MYOM1: variants seen among roughly 807,000 people sequenced by gnomAD.
MYOM1 encodes myomesin-1.
A neutral mutation model predicts 205.3 loss-of-function variants in MYOM1; 164 were observed. The ratio of observed to expected loss-of-function variants is 0.80; its 90% CI spans 0.70 to 0.91. MYOM1 has a LOEUF of 0.91. Ranked by LOEUF, MYOM1 falls within the 40% of genes least tolerant of loss-of-function variation. MYOM1 has a pLI of 0.00. For missense variants in MYOM1, 2,011 were observed against 2,127.3 expected (o/e 0.95, Z 1.08); for synonymous variants, 772 against 789.4 (o/e 0.98, Z 0.37).
At position 3,100,152 on chromosome 18, in the gene MYOM1, TACTTACTTGGGA is replaced by T. The variant is rs753077600; in HGVS notation, c.3722_3727+6del. On this transcript the variant is annotated splice_donor_variant and splice_donor_5th_base_variant and coding_sequence_variant and intron_variant, in exon 25 of 38. Transcript: ENST00000356443. LOFTEE classifies it high-confidence loss of function. ...TAAAAACCTGTGAATGTATTGTGGATACTTACTTGGGAACTTGTGTTCATGGCTGAGAGCAAG... is the reference window on the plus strand; with the variant it reads ...TAAAAACCTGTGAATGTATTGTGGATACTTGTGTTCATGGCTGAGAGCAAG... 4 of 1,613,792 alleles carry T rather than the reference TACTTACTTGGGA, an allele frequency of 2.5e-6. No individual in the cohort carries two copies. In the African/African-American group the frequency reaches 4.0e-5, roughly 16 times the overall value.
At chr18:3,213,797 T>C (rs1434948881) in intron 2 of MYOM1, among the ~76,000 whole-genome samples, 2 of 152,236 alleles carry the variant, frequency 1.3e-5, no homozygotes, top group Admixed American at 6.5e-5. Flanking sequence ...AGTTGCTTAA[T>C]TGAAGCAGAG....
chr18:3,105,562 A>G lies in MYOM1; in HGVS notation c.3419-2932T>C, dbSNP rs1598674878. 5.3e-5 allele frequency among the ~76,000 whole-genome samples: 8 copies of G among 152,272 alleles called. No homozygotes were observed. The South Asian group carries it at 1.7e-3, about 32-fold the overall frequency. On this transcript the variant is annotated intron_variant, in intron 22 of 37. Transcript: ENST00000356443. ...CCCAAACCCATGAAACTTGGAGAAT[A>G]AGAAAATCCTGGCCAGGCATGGTGG...
At chr18:3,236,182 AGGG>A in the MYOM1 span, among the ~76,000 whole-genome samples, 2 of 152,310 alleles carry the variant, frequency 1.3e-5, no homozygotes, top group East Asian at 3.9e-4. Flanking sequence ...TTCACCATGG[AGGG>A]TGTCAGGCAG....
intron 16 of MYOM1, among the ~76,000 whole-genome samples, chr18:3,133,651 G>A (rs1330953241): frequency 6.6e-6 from 1 of 151,958 alleles, no homozygotes; most frequent in Non-Finnish European, 1.5e-5. Flanking sequence ...TATATCCTCA[G>A]AATCTAATAT....
chr18:3,140,907 C>T (rs1275716279), intron 14 of MYOM1, among the ~76,000 whole-genome samples: 1 of 152,124 alleles, frequency 6.6e-6, no homozygotes, highest in Non-Finnish European at 1.5e-5. Flanking sequence ...AGTACAAACA[C>T]TTGTTTCATT....
At chr18:3,108,688 G>A (rs948938432) in intron 22 of MYOM1, among the ~76,000 whole-genome samples, 4 of 151,798 alleles carry the variant, frequency 2.6e-5, no homozygotes, top group African/African-American at 9.7e-5. Context: ...TTACAGGTGC[G>A]GACCACCACA....
At position 3,197,863 on chromosome 18, in the gene MYOM1, A is replaced by C. The variant is rs562230503; in HGVS notation, c.291-3905T>G. On this transcript the variant is annotated intron_variant, in intron 2 of 37. Coordinates refer to ENST00000356443, the MANE Select transcript of MYOM1 (RefSeq NM_003803.4). The stretch of plus-strand genomic sequence containing the variant: ...ACTCTGGCCTGGGTGACAGAGCGAG[A>C]CTCCATCTCAAAAAAGAAAAAGAAA... Among the ~76,000 whole-genome samples, 4 of 151,874 alleles carry C rather than the reference A, an allele frequency of 2.6e-5. No individual in the cohort carries two copies. The South Asian group carries it at 6.3e-4, about 24-fold the overall frequency.
chr18:3,096,665 C>T (rs1406155825), intron 25 of MYOM1, among the ~76,000 whole-genome samples: 1 of 152,086 alleles, frequency 6.6e-6, no homozygotes, highest in East Asian at 1.9e-4. Flanking sequence ...GACACACCAA[C>T]ATATCTGTAT....
At chr18:3,140,552 C>T (rs375262881) in intron 14 of MYOM1, among the ~76,000 whole-genome samples, 1 of 152,182 alleles carries the variant, frequency 6.6e-6, no homozygotes, top group African/African-American at 2.4e-5. Context: ...ATAAGGCATT[C>T]ATTGTTACTG....
intron 37 of MYOM1, 104 bp downstream of exon 37, chr18:3,071,730 G>C: frequency 9.2e-7 from 1 of 1,086,632 alleles, no homozygotes; most frequent in African/African-American, 1.6e-5. Flanking sequence ...GTACGATGAA[G>C]GTGGTGGGCT....
chr18:3,241,008 C>G, the MYOM1 span, among the ~76,000 whole-genome samples: 1 of 152,150 alleles, frequency 6.6e-6, no homozygotes, highest in African/African-American at 2.4e-5. Flanking sequence ...GAAGAAATTT[C>G]TAAGCAGCAA....
intron 37 of MYOM1, among the ~76,000 whole-genome samples, chr18:3,069,149 C>T (rs1389596138): frequency 1.3e-5 from 2 of 152,148 alleles, no homozygotes; most frequent in East Asian, 3.8e-4. Context: ...CTTACATTCC[C>T]ACCAGAATAT....
chr18:3,107,986 A>G (rs566852185), intron 22 of MYOM1, among the ~76,000 whole-genome samples: 3 of 152,340 alleles, frequency 2.0e-5, no homozygotes, highest in Non-Finnish European at 4.4e-5. Flanking sequence ...GCTCCTATAG[A>G]TAACATCAGT....
intron 4 of MYOM1, among the ~76,000 whole-genome samples, chr18:3,188,518 A>G (rs2080854302): frequency 6.6e-6 from 1 of 151,874 alleles, no homozygotes; most frequent in African/African-American, 2.4e-5. Context: ...AATCCCAGCT[A>G]CTTGGGAGGC....
chr18:3,169,574 T>C (rs970863104), intron 8 of MYOM1, among the ~76,000 whole-genome samples: 8 of 152,162 alleles, frequency 5.3e-5, no homozygotes, highest in Non-Finnish European at 1.2e-4. Context: ...TCACTAATCA[T>C]TGAGAGAAAT....
At chr18:3,073,836 T>A (rs1296286524) in intron 36 of MYOM1, among the ~76,000 whole-genome samples, 1 of 152,190 alleles carries the variant, frequency 6.6e-6, no homozygotes. Context: ...TATTCAACTG[T>A]GAGAGGGAAA....
intron 2 of MYOM1, among the ~76,000 whole-genome samples, chr18:3,203,493 T>C (rs1369812872): frequency 6.6e-6 from 1 of 151,702 alleles, no homozygotes; most frequent in East Asian, 1.9e-4. Context: ...AAAGAAATAA[T>C]GTAGATGCCT....
chr18:3,164,339 A>T lies in MYOM1; in HGVS notation c.1440T>A (p.Tyr480Ter). The T allele has an allele frequency of 6.2e-7, 1 of 1,612,750 alleles. No homozygotes were observed. The highest frequency in any genetic ancestry group is 8.5e-7 in the Non-Finnish European group (1 of 1,179,318). The change falls in exon 10 of 38, where the codon TAT (tyrosine) becomes TAA (stop). Residue 480 changes from tyrosine (Y) to a stop codon, truncating the protein, a stop_gained. Coordinates refer to ENST00000356443, the MANE Select transcript of MYOM1 (RefSeq NM_003803.4). LOFTEE classifies it high-confidence loss of function. ...ATTCTCCCATCCGTACACGGATTGT[A>T]TAGAGGCCTTCATCTTCTTTGTTGA... ...SHLNKEDEGLYTIRVRMGEYY... is the reference protein window; with the variant it reads ...SHLNKEDEGL
At position 3,105,628 on chromosome 18, in the gene MYOM1, G is replaced by A. The variant is rs1000698190; in HGVS notation, c.3419-2998C>T. Among the ~76,000 whole-genome samples the A allele has an allele frequency of 9.9e-5, 15 of 152,228 alleles. No individual in the cohort carries two copies. In the East Asian group the frequency reaches 2.9e-3, roughly 29 times the overall value. ...ACAGCACTTTAGGAGGCCGTGGCAG[G>A]GGGATCACTTGAGGCCAGGAGTTCA... is the stretch of plus-strand genomic sequence containing the variant. On this transcript the variant is annotated intron_variant, in intron 22 of 37. Transcript: ENST00000356443.
Sources: allele counts gnomAD v4.1 joint callset (sites outside exome capture counted in the v4.1 genomes callset), GRCh38; gene constraint gnomAD v4.1.1; transcripts MANE v1.5; gene names NCBI Gene and HGNC (gene_info 2026-07-23, HGNC 2026-07-21).